Variants in PRPF19 observed in about 807,000 individuals in gnomAD.
PRPF19 encodes pre-mRNA-processing factor 19.
A neutral mutation model predicts 64.2 loss-of-function variants in PRPF19; 2 were observed. The ratio of observed to expected loss-of-function variants is 0.03; its 90% CI spans 0.01 to 0.10. The LOEUF (loss-of-function observed/expected upper bound fraction) is 0.10. Among genes scored for constraint, PRPF19 ranks in the 10% least tolerant of loss-of-function variants. The pLI is 1.00. For missense variants in PRPF19, 314 were observed against 650.0 expected (o/e 0.48, Z 5.62); for synonymous variants, 226 against 251.6 (o/e 0.90, Z 0.96).
Position 60,897,794 on chromosome 11 carries a change from C to T in PRPF19, c.1417+52G>A, listed in dbSNP as rs1012242784. 6.6e-6 allele frequency: 10 copies of T among 1,514,644 alleles called. No individual in the cohort carries two copies. The South Asian group carries it at 9.2e-5, about 14-fold the overall frequency. The allele number at this position is 1,514,644 out of a possible 1,614,324, so 93.8% of individuals were successfully genotyped here. A position where few individuals can be genotyped will look rare whatever the true frequency, so the allele number is the denominator to read the frequency against. ...AAATTCCTAACCCAGTGAGGCTTCC[C>T]TCCGGGCCTGGGCACCTAGAGAGAT... On this transcript the variant is annotated intron_variant, in intron 15 of 15. Coordinates refer to ENST00000227524, the MANE Select transcript of PRPF19 (RefSeq NM_014502.5).
At chr11:60,891,645 G>A (rs1855859897) in intron 15 of PRPF19, among the ~76,000 whole-genome samples, 1 of 152,258 alleles carries the variant, frequency 6.6e-6, no homozygotes, top group South Asian at 2.1e-4. Context: ...CCAACCCCAG[G>A]GCACTCAGGC....
At chr11:60,903,940 C>T in intron 1 of PRPF19, 79 bp from the exon 2 acceptor site, 1 of 1,528,518 alleles carries the variant, frequency 6.5e-7, no homozygotes, top group Non-Finnish European at 8.8e-7. Context: ...CTATTAGCCC[C>T]AACAAGACTA....
At chr11:60,899,748 T>G (rs1350358575) in intron 10 of PRPF19, among the ~76,000 whole-genome samples, 1 of 152,242 alleles carries the variant, frequency 6.6e-6, no homozygotes. Context: ...TTCAGTGCAT[T>G]CCACTTTTAT....
At chr11:60,891,855 T>C (rs188955712) in intron 15 of PRPF19, among the ~76,000 whole-genome samples, 1 of 152,344 alleles carries the variant, frequency 6.6e-6, no homozygotes, top group Admixed American at 6.5e-5. Context: ...CCAGGTACAG[T>C]ACAGGGTGAA....
chr11:60,899,378 C>A, intron 10 of PRPF19, 74 bp from the exon 11 acceptor site: 1 of 1,460,278 alleles, frequency 6.8e-7, no homozygotes, highest in Admixed American at 1.9e-5. Flanking sequence ...TAAAACGGGG[C>A]TGGGGATGCC....
chr11:60,902,539 A>G lies in PRPF19; in HGVS notation c.462+44T>C, dbSNP rs781222941. The G allele has an allele frequency of 6.2e-7, 1 of 1,606,744 alleles. No homozygotes were observed. The highest frequency in any genetic ancestry group is 1.1e-5 in the South Asian group (1 of 90,920). ...CTGCATAAGGACAGTTCTGTGGGCC[A>G]CTGTACACAAATGGGCTGCTGGTAA... is the stretch of plus-strand genomic sequence containing the variant. On this transcript the variant is annotated intron_variant, in intron 5 of 15. Coordinates refer to ENST00000227524, the MANE Select transcript of PRPF19 (RefSeq NM_014502.5). The surrounding 1 kb of genome is among the most constrained non-coding windows in gnomAD (Gnocchi z 5.0).
rs1856026041 is a variant in PRPF19, at chr11:60,904,898, C to T, written c.20-1037G>A. The stretch of plus-strand genomic sequence containing the variant: ...GTAAATGGGGGGTAGGACTGAAAAT[C>T]CCAACCTTCTAATACCCTTTAGTCT... On this transcript the variant is annotated intron_variant, in intron 1 of 15. Coordinates refer to ENST00000227524, the MANE Select transcript of PRPF19 (RefSeq NM_014502.5). Among the ~76,000 whole-genome samples the T allele has an allele frequency of 2.6e-5, 4 of 152,158 alleles. No homozygotes were observed. The South Asian group carries it at 6.2e-4, about 24-fold the overall frequency.
At position 60,898,356 on chromosome 11, in the gene PRPF19, G is replaced by A; in HGVS notation, c.1141-85C>T. 5 of 1,532,828 alleles carry A rather than the reference G, an allele frequency of 3.3e-6. No homozygotes were observed. The highest frequency in any genetic ancestry group is 1.4e-5 in the African/African-American group (1 of 72,760). The allele number at this position is 1,532,828 out of a possible 1,614,324, so 95.0% of individuals were successfully genotyped here. On this transcript the variant is annotated intron_variant, in intron 13 of 15. Coordinates refer to ENST00000227524, the MANE Select transcript of PRPF19 (RefSeq NM_014502.5). This position sits in a 1 kb window ranked among gnomAD's most constrained non-coding sequence, Gnocchi z 4.6. Reference sequence around the variant, plus strand: ...GGCTCACCAAACTCCTACCTGAGATGTCCCTCACGTCCTTCCAGGAAGGAC... The same window carrying A: ...GGCTCACCAAACTCCTACCTGAGATATCCCTCACGTCCTTCCAGGAAGGAC...
rs1473055554 is a variant in PRPF19 at position 60,897,840 on chromosome 11, C to T, written c.1417+6G>A. On this transcript the variant is annotated splice_donor_region_variant and intron_variant, in intron 15 of 15. Transcript: ENST00000227524. Reference sequence around the variant, plus strand: ...GAGATCCCAGGAGCCCAGGACCAGCCTCTACCTGTAAAGTGAAGAATCTCC... The same window carrying T: ...GAGATCCCAGGAGCCCAGGACCAGCTTCTACCTGTAAAGTGAAGAATCTCC... The T allele has an allele frequency of 6.2e-7, 1 of 1,613,366 alleles. No individual in the cohort carries two copies. Among genetic ancestry groups the T allele is most frequent in the Non-Finnish European group, 8.5e-7 (1 of 1,179,440 alleles).
chr11:60,901,451 C>T, intron 7 of PRPF19, 48 bp downstream of exon 7: 2 of 1,613,972 alleles, frequency 1.2e-6, no homozygotes, highest in Non-Finnish European at 1.7e-6. Flanking sequence ...GAGTCAACCG[C>T]CTCCCACCAG....
chr11:60,906,290 G>C, intron 1 of PRPF19, 74 bp downstream of exon 1: 1 of 1,522,344 alleles, frequency 6.6e-7, no homozygotes, highest in Non-Finnish European at 8.8e-7. Context: ...CCCGGGCGCC[G>C]CAGCGGACCG....
At chr11:60,897,090 C>T (rs3885382) in intron 15 of PRPF19, among the ~76,000 whole-genome samples, 51,098 of 152,066 alleles carry the variant, frequency 0.34, 9,350 homozygotes, top group Middle Eastern at 0.41. Context: ...CATTCACTCA[C>T]AACTCACTCA....
chr11:60,901,458 C>G (rs145371269), intron 7 of PRPF19, 41 bp downstream of exon 7: 2 of 1,614,144 alleles, frequency 1.2e-6, no homozygotes, highest in Admixed American at 1.7e-5. Context: ...CCGCCTCCCA[C>G]CAGGCCAGCT....
chr11:60,895,849 C>T (rs781431002), intron 15 of PRPF19, among the ~76,000 whole-genome samples: 7 of 151,928 alleles, frequency 4.6e-5, no homozygotes, highest in African/African-American at 1.7e-4. Flanking sequence ...AGATGGGGAA[C>T]GGCTGGTGGG....
rs990341293 is a variant in PRPF19, at chr11:60,900,619, G to A, written c.791C>T (p.Thr264Ile). 6.4e-7 allele frequency: 1 copy of A among 1,557,492 alleles called. No homozygotes were observed. The highest frequency in any genetic ancestry group is 2.4e-5 in the East Asian group (1 of 41,948). ...EQILATLKGH[T>I]KKVTSVVFHP... ...AAACACCACGCTGGTGACCTTCTTG[G>A]TATGGCCTTTGAGGGTAGCCAGGAT... The change falls in exon 10 of 16, where the codon ACC (threonine) becomes ATC (isoleucine). Residue 264 changes from threonine to isoleucine, a missense_variant. By Grantham distance (89) the Thr-to-Ile change is moderately conservative. Around this residue, in one of 7 missense-constraint regions of PRPF19, gnomAD observed 175 missense variants for 342.9 expected, o/e 0.51. Coordinates refer to ENST00000227524, the MANE Select transcript of PRPF19 (RefSeq NM_014502.5).
In PRPF19 at chr11:60,890,910, G is replaced by C. The variant is rs1057165219; in HGVS notation, c.*256C>G. 8.5e-5 allele frequency: 50 copies of C among 586,770 alleles called. No homozygotes were observed. Among genetic ancestry groups the C allele is most frequent in the Non-Finnish European group, 1.4e-4 (43 of 313,110 alleles). 36.3% of individuals were successfully genotyped at this position (586,770 alleles called of 1,614,324 possible). A position where few individuals can be genotyped will look rare whatever the true frequency, so the allele number is the denominator to read the frequency against. Reference sequence around the variant, plus strand: ...TGAACGACAGGAAGGGAGAGGCCCTGGGCTCCGACCCTGGGCCTTAAGAGG... The same window carrying C: ...TGAACGACAGGAAGGGAGAGGCCCTCGGCTCCGACCCTGGGCCTTAAGAGG... On this transcript the variant is annotated 3_prime_UTR_variant, in exon 16 of 16. Transcript: ENST00000227524.
chr11:60,902,314 GCA>G lies in PRPF19; in HGVS notation c.525+87_525+88del. The G allele has an allele frequency of 6.9e-7, 1 of 1,442,534 alleles. No individual in the cohort carries two copies. The highest frequency in any genetic ancestry group is 2.4e-4 in the Middle Eastern group (1 of 4,160). The allele number at this position is 1,442,534 out of a possible 1,614,324, so 89.4% of individuals were successfully genotyped here. On this transcript the variant is annotated intron_variant, in intron 6 of 15. Coordinates refer to ENST00000227524, the MANE Select transcript of PRPF19 (RefSeq NM_014502.5). The surrounding 1 kb of genome is among the most constrained non-coding windows in gnomAD (Gnocchi z 5.0). Reference sequence around the variant, plus strand: ...GCTCTGCACCACTCAACTCCCAAAAGCACAGTGATTTTAGTCACGATGGACTC... The same window carrying G: ...GCTCTGCACCACTCAACTCCCAAAAGCAGTGATTTTAGTCACGATGGACTC...
Position 60,898,506 on chromosome 11 carries a change from C to T in PRPF19, c.1140+35G>A, listed in dbSNP as rs1473376267. On this transcript the variant is annotated intron_variant, in intron 13 of 15. Transcript: ENST00000227524. This position sits in a 1 kb window ranked among gnomAD's most constrained non-coding sequence, Gnocchi z 4.6. ...GCATTGTCACAAACACTCCCTCTGG[C>T]CCTGGGCCTCAGATGGAGGCCTACC... The T allele has an allele frequency of 3.7e-6, 6 of 1,613,676 alleles. No individual in the cohort carries two copies. Among genetic ancestry groups the T allele is most frequent in the Non-Finnish European group, 5.1e-6 (6 of 1,179,926 alleles).
chr11:60,895,200 A>G (rs1855906369), intron 15 of PRPF19, among the ~76,000 whole-genome samples: 1 of 152,236 alleles, frequency 6.6e-6, no homozygotes, highest in African/African-American at 2.4e-5. Context: ...ACTTTCTTCC[A>G]ATAGAAGGCT....
Sources: allele counts gnomAD v4.1 joint callset (sites outside exome capture counted in the v4.1 genomes callset), GRCh38; gene constraint gnomAD v4.1.1; regional missense constraint gnomAD v4.1.1; non-coding constraint Gnocchi (gnomAD v3.1); transcripts MANE v1.5; gene names NCBI Gene and HGNC (gene_info 2026-07-23, HGNC 2026-07-21).